LAMA5: variants seen among roughly 807,000 people sequenced by gnomAD.
LAMA5 encodes laminin subunit alpha 5.
In LAMA5, 260 loss-of-function variants were observed where a neutral mutation model predicts 433.4. The observed-to-expected ratio is 0.60, with a 90% CI of 0.54 to 0.66. The LOEUF (loss-of-function observed/expected upper bound fraction) is 0.66, where lower values mean the gene tolerates loss of function less well. Among genes scored for constraint, LAMA5 ranks in the 30% least tolerant of loss-of-function variants. The pLI is 0.00. For missense variants in LAMA5, 5,378 were observed against 5,258.5 expected (o/e 1.02, Z -0.70); for synonymous variants, 2,620 against 2,226.6 (o/e 1.18, Z -4.97).
Position 62,317,066 on chromosome 20 carries a change from G to A in LAMA5, c.7512-43C>T, listed in dbSNP as rs183522332. 1,041 of 1,492,444 alleles carry A rather than the reference G, an allele frequency of 7.0e-4. 11 individuals are homozygous for A. The African/African-American group carries it at 0.012, about 18-fold the overall frequency. The allele number at this position is 1,492,444 out of a possible 1,614,324, so 92.5% of individuals were successfully genotyped here. ...GTCGAAGGAGTGGGTAAGCGCAGACGCCCTCGGCCTGGCTCTCCAGCCTCC... is the reference window on the plus strand; with the variant it reads ...GTCGAAGGAGTGGGTAAGCGCAGACACCCTCGGCCTGGCTCTCCAGCCTCC... On this transcript the variant is annotated intron_variant, in intron 55 of 79. Transcript: ENST00000252999.
Position 62,359,662 on chromosome 20 carries a change from A to G in LAMA5, c.450+2738T>C, listed in dbSNP as rs944146081. ...ACTGCCCCCTGAGTCACCAGTGACC[A>G]GCGCTGGAGCCTCTTCCTGAGGCCC... On this transcript the variant is annotated intron_variant, in intron 2 of 79. Transcript: ENST00000252999. The surrounding 1 kb of genome is among the most constrained non-coding windows in gnomAD (Gnocchi z 4.3). 5.3e-5 allele frequency among the ~76,000 whole-genome samples: 8 copies of G among 152,062 alleles called. No homozygotes were observed. Among genetic ancestry groups the G allele is most frequent in the Non-Finnish European group, 1.0e-4 (7 of 67,984 alleles).
intron 31 of LAMA5, 21 bp downstream of exon 31, chr20:62,330,467 C>T: frequency 3.3e-6 from 5 of 1,518,958 alleles, no homozygotes; most frequent in South Asian, 1.3e-5. Context: ...AGCCTCTCCA[C>T]CCCCCACACC....
chr20:62,315,189 ATCT>A lies in LAMA5; in HGVS notation c.7883_7885del (p.Lys2628del), dbSNP rs779769293. 2.1e-5 allele frequency: 33 copies of A among 1,608,846 alleles called. 1 individual carries two copies. The highest frequency in any genetic ancestry group is 2.6e-5 in the Non-Finnish European group (31 of 1,178,248). On this transcript the variant is annotated inframe_deletion, in exon 59 of 80. Coordinates refer to ENST00000252999, the MANE Select transcript of LAMA5 (RefSeq NM_005560.6). The stretch of plus-strand genomic sequence containing the variant: ...AGCAGCCACAGCCTTGGCATGTGCG[ATCT>A]TCTTGCTTGTCTCGTCTGTGGTGGG...
chr20:62,318,714 C>G (rs1366254616), intron 52 of LAMA5, 64 bp from the exon 53 acceptor site: 17 of 1,579,988 alleles, frequency 1.1e-5, no homozygotes, highest in Non-Finnish European at 1.4e-5. Context: ...CCCCTGGTCT[C>G]CACTTGGTGC....
chr20:62,336,908 C>T (rs1191675211), intron 16 of LAMA5, 122 bp from the exon 17 acceptor site: 1 of 924,270 alleles, frequency 1.1e-6, no homozygotes, highest in South Asian at 1.4e-5. Context: ...AGGTGCCTCT[C>T]ATCCACATGG....
rs201630378 is a variant in LAMA5 at position 62,311,608 on chromosome 20, G to C, written c.9806+6C>G. On this transcript the variant is annotated splice_donor_region_variant and intron_variant, in intron 71 of 79. Transcript: ENST00000252999. ...GACCTTGTCCCCCAGCGCCCACCAG[G>C]CTCACCGCTGCACGAAGACGTTGCT... 7 of 1,606,510 alleles carry C rather than the reference G, an allele frequency of 4.4e-6. No individual in the cohort carries two copies. Among genetic ancestry groups the C allele is most frequent in the Non-Finnish European group, 5.1e-6 (6 of 1,177,574 alleles).
intron 37 of LAMA5, 37 bp downstream of exon 37, chr20:62,327,492 C>T: frequency 1.2e-6 from 2 of 1,611,382 alleles, no homozygotes; most frequent in Non-Finnish European, 1.7e-6. Flanking sequence ...CCTAAGACCT[C>T]CCCGAGAAGG....
chr20:62,310,962 G>A lies in LAMA5; in HGVS notation c.10221C>T (p.Gly3407=), dbSNP rs1245482732. The A allele has an allele frequency of 6.2e-7, 1 of 1,611,524 alleles. No individual in the cohort carries two copies. The highest frequency in any genetic ancestry group is 1.7e-5 in the Admixed American group (1 of 59,934). The change falls in exon 74 of 80, where the codon GGC becomes GGT. Residue 3407 remains glycine, a synonymous_variant. Transcript: ENST00000252999. ...SNGHFVAQME[G]LGTRLRAQSR... ...TCTGGGCGCGGAGCCGAGTCCCGAG[G>A]CCTTCCATCTGTGCAACGAAGTGGC...
intron 32 of LAMA5, 152 bp downstream of exon 32, chr20:62,329,625 C>G: frequency 1.1e-6 from 1 of 940,056 alleles, no homozygotes; most frequent in Non-Finnish European, 1.6e-6. Flanking sequence ...CAAGGTGGAT[C>G]GGGAGGTCCC....
At position 62,327,883 on chromosome 20, in the gene LAMA5, C is replaced by T; in HGVS notation, c.4780G>A (p.Gly1594Arg). Residue 1594 changes from glycine to arginine, a missense_variant, in exon 36 of 80, where the codon GGG becomes AGG. Coordinates refer to ENST00000252999, the MANE Select transcript of LAMA5 (RefSeq NM_005560.6). ...TAPGVCDPLT[G>R]QCYCKENVQG... ...TCACTCACCTTACAGTAGCACTGCC[C>T]TGTGAGGGGGTCACACACGCCAGGC... The T allele has an allele frequency of 6.2e-7, 1 of 1,610,258 alleles. No homozygotes were observed. Among genetic ancestry groups the T allele is most frequent in the Non-Finnish European group, 8.5e-7 (1 of 1,179,054 alleles).
At chr20:62,353,511 C>T (rs891019431) in intron 2 of LAMA5, among the ~76,000 whole-genome samples, 1 of 152,202 alleles carries the variant, frequency 6.6e-6, no homozygotes, top group African/African-American at 2.4e-5. Context: ...GCGCTGCCTC[C>T]TCCCCTTCCC....
At position 62,312,424 on chromosome 20, in the gene LAMA5, G is replaced by A. The variant is rs777055448; in HGVS notation, c.9336C>T (p.Ser3112=). 1.6e-5 allele frequency: 25 copies of A among 1,597,644 alleles called. No individual in the cohort carries two copies. In the Middle Eastern group the frequency reaches 4.9e-4, roughly 32 times the overall value. Residue 3112 remains serine, a synonymous_variant, in exon 68 of 80, where the codon AGC becomes AGT. Transcript: ENST00000252999. ...CCAGCAGGTCGGCGGTGCAGCCGGCGCTCACGCCTGTCGTGTTCAGCCGCT... is the reference window on the plus strand; with the variant it reads ...CCAGCAGGTCGGCGGTGCAGCCGGCACTCACGCCTGTCGTGTTCAGCCGCT... ...DLKRLNTTGV[S]AGCTADLLVG...
chr20:62,335,355 C>G lies in LAMA5; in HGVS notation c.2324-86G>C, dbSNP rs867438663. 37 of 1,390,626 alleles carry G rather than the reference C, an allele frequency of 2.7e-5. No homozygotes were observed. In the Admixed American group the frequency reaches 5.9e-4, roughly 22 times the overall value. The allele number at this position is 1,390,626 out of a possible 1,614,324, so 86.1% of individuals were successfully genotyped here. A position where few individuals can be genotyped will look rare whatever the true frequency, so the allele number is the denominator to read the frequency against. ...CCCGAGGAACCCCCACACCCTAACA[C>G]CCCCTCCAGGGCACACTCACAGGCT... On this transcript the variant is annotated intron_variant, in intron 18 of 79. Coordinates refer to ENST00000252999, the MANE Select transcript of LAMA5 (RefSeq NM_005560.6).
chr20:62,314,493 G>T, intron 61 of LAMA5, 53 bp from the exon 62 acceptor site: 1 of 1,610,260 alleles, frequency 6.2e-7, no homozygotes. Flanking sequence ...CCAGGGACCA[G>T]GCACCGCTCA....
rs369875328 is a variant in LAMA5, at chr20:62,335,133, G to A, written c.2377-7C>T. 1 of 1,612,746 alleles carries A rather than the reference G, an allele frequency of 6.2e-7. No homozygotes were observed. The highest frequency in any genetic ancestry group is 1.1e-5 in the South Asian group (1 of 91,064). On this transcript the variant is annotated splice_polypyrimidine_tract_variant and splice_region_variant and intron_variant, in intron 19 of 79. Transcript: ENST00000252999. ...AGAAGCACTGGCCGGTGCCCTGGGG[G>A]CCAAGGGAGGAGGTGAAGTGGGGCA...
In LAMA5 at chr20:62,321,909, G is replaced by A. The variant is rs1987858121; in HGVS notation, c.6496+110C>T. The stretch of plus-strand genomic sequence containing the variant: ...GCATGGGTCTCTCGGGAAATGGAAG[G>A]CAGCTGGGACCACTCTGGGAGGTCG... On this transcript the variant is annotated intron_variant, in intron 48 of 79. Coordinates refer to ENST00000252999, the MANE Select transcript of LAMA5 (RefSeq NM_005560.6). 4.6e-6 allele frequency: 5 copies of A among 1,085,998 alleles called. No individual in the cohort carries two copies. In the South Asian group the frequency reaches 5.1e-5, roughly 11 times the overall value. 67.3% of individuals were successfully genotyped at this position (1,085,998 alleles called of 1,614,324 possible). A position where few individuals can be genotyped will look rare whatever the true frequency, so the allele number is the denominator to read the frequency against.
chr20:62,314,159 G>T, intron 62 of LAMA5, 145 bp downstream of exon 62: 1 of 1,089,746 alleles, frequency 9.2e-7, no homozygotes, highest in Non-Finnish European at 1.3e-6. Context: ...GAGACGAGGG[G>T]TGGCGAGTGG....
rs1411097074 is a variant in LAMA5, at chr20:62,318,670, G to A, written c.7043-20C>T. On this transcript the variant is annotated intron_variant, in intron 52 of 79. Transcript: ENST00000252999. ...CCAGCACTAGCCGAGACCAGGGTGAGGGTGGTCACTCTGGAAGCCAGGCCC... is the reference window on the plus strand; with the variant it reads ...CCAGCACTAGCCGAGACCAGGGTGAAGGTGGTCACTCTGGAAGCCAGGCCC... 2.1e-5 allele frequency: 33 copies of A among 1,605,904 alleles called. No individual in the cohort carries two copies. Among genetic ancestry groups the A allele is most frequent in the Non-Finnish European group, 2.6e-5 (31 of 1,176,472 alleles).
intron 48 of LAMA5, among the ~76,000 whole-genome samples, chr20:62,321,797 C>T (rs1166682246): frequency 6.8e-6 from 1 of 147,748 alleles, no homozygotes; most frequent in African/African-American, 2.5e-5. Context: ...GGGGTGGGGC[C>T]AGGGCACACA....
Sources: gnomAD v4.1 joint callset for allele counts (sites outside exome capture counted in the v4.1 genomes callset) on GRCh38, gnomAD v4.1.1 for gene constraint, Gnocchi (gnomAD v3.1) non-coding constraint, MANE v1.5 for transcripts, NCBI Gene and HGNC (gene_info 2026-07-23, HGNC 2026-07-21) for gene names.